The following TMTC1 variants were observed in gnomAD, a reference collection of about 807,000 sequenced individuals.
TMTC1 encodes the protein transmembrane O-mannosyltransferase targeting cadherins 1.
Under a neutral mutation model 104.8 loss-of-function variants are expected in TMTC1, and 73 were observed. The observed-to-expected ratio is 0.70, with a 90% CI of 0.58 to 0.85. The LOEUF (loss-of-function observed/expected upper bound fraction) is 0.85. TMTC1 is among the 40% of genes least tolerant of loss of function. TMTC1 has a pLI of 0.00. For missense variants in TMTC1, 1,035 were observed against 1,096.1 expected (o/e 0.94, Z 0.79); for synonymous variants, 434 against 428.7 (o/e 1.01, Z -0.15).
At chr12:29,667,973 A>G (rs1940348114) in intron 5 of TMTC1, among the ~76,000 whole-genome samples, 1 of 152,196 alleles carries the variant, frequency 6.6e-6, no homozygotes. Context: ...CATGGCTGGC[A>G]AGAGGCAAAG....
At chr12:29,518,698 C>G in intron 12 of TMTC1, 91 bp from the exon 13 acceptor site, 2 of 1,484,374 alleles carry the variant, frequency 1.3e-6, no homozygotes, top group Non-Finnish European at 9.1e-7. Flanking sequence ...ATAATTCTTT[C>G]TCATTATTAC....
At chr12:29,666,221 CTTTTTTCT>C in intron 5 of TMTC1, 2 of 395,958 alleles carry the variant, frequency 5.1e-6, no homozygotes, top group Non-Finnish European at 9.6e-6. Flanking sequence ...TTCTTTTTTT[CTTTTTTCT>C]TTTTTTTTTT....
chr12:29,752,934 T>G (rs1410167921), intron 4 of TMTC1, among the ~76,000 whole-genome samples: 1 of 152,224 alleles, frequency 6.6e-6, no homozygotes, highest in Non-Finnish European at 1.5e-5. Flanking sequence ...TTGGAAATTA[T>G]ATCCTGAATT....
chr12:29,568,760 A>G, intron 9 of TMTC1: 1 of 360,014 alleles, frequency 2.8e-6, no homozygotes, highest in Non-Finnish European at 5.5e-6. Context: ...GAGAATCACT[A>G]TTTCTCTTTC....
At chr12:29,527,862 T>G (rs1159317131) in intron 11 of TMTC1, among the ~76,000 whole-genome samples, 2 of 152,230 alleles carry the variant, frequency 1.3e-5, no homozygotes, top group Non-Finnish European at 2.9e-5. Flanking sequence ...CTAGAAATGA[T>G]ATTTTCAAAA....
rs76066471 is a variant in TMTC1 at position 29,730,022 on chromosome 12, G to T, written c.938+21644C>A. 2.6e-5 allele frequency among the ~76,000 whole-genome samples: 4 copies of T among 152,204 alleles called. No individual in the cohort carries two copies. In the South Asian group the frequency reaches 8.3e-4, roughly 32 times the overall value. ...CAAGAGCCTGCTGATTACATATAGC[G>T]GACATGCCAACGAGAACAAGGGATG... On this transcript the variant is annotated intron_variant, in intron 5 of 17. Coordinates refer to ENST00000539277, the MANE Select transcript of TMTC1 (RefSeq NM_001193451.2).
At chr12:29,622,241 A>C (rs1937711976) in intron 6 of TMTC1, among the ~76,000 whole-genome samples, 1 of 152,170 alleles carries the variant, frequency 6.6e-6, no homozygotes, top group African/African-American at 2.4e-5. Context: ...AAAAGGTATA[A>C]AAATACCTTA....
At chr12:29,777,216 T>C (rs1463830293) in intron 1 of TMTC1, among the ~76,000 whole-genome samples, 2 of 152,070 alleles carry the variant, frequency 1.3e-5, no homozygotes, top group African/African-American at 4.8e-5. Context: ...TGCCTCAGCC[T>C]CCCGAGCAGC....
intron 2 of TMTC1, among the ~76,000 whole-genome samples, chr12:29,764,363 A>T (rs1943417171): frequency 6.6e-6 from 1 of 152,154 alleles, no homozygotes; most frequent in South Asian, 2.1e-4. Flanking sequence ...TATTTATTTT[A>T]TCTGCAAGAA....
At chr12:29,749,549 C>G (rs1943037747) in intron 5 of TMTC1, among the ~76,000 whole-genome samples, 1 of 152,090 alleles carries the variant, frequency 6.6e-6, no homozygotes, top group African/African-American at 2.4e-5. Flanking sequence ...ACTCCTTTAG[C>G]CTCCATTTAA....
rs1292507632 is a variant in TMTC1 at position 29,505,399 on chromosome 12, T to A, written c.*1447A>T. On this transcript the variant is annotated 3_prime_UTR_variant, in exon 18 of 18. Coordinates refer to ENST00000539277, the MANE Select transcript of TMTC1 (RefSeq NM_001193451.2). ...AATTAGAAACAGGTGTTCCAATTTC[T>A]TCACTTCCAAAATATACTACTGCCA... The A allele has an allele frequency of 6.6e-6, 1 of 152,202 alleles. No homozygotes were observed. The highest frequency in any genetic ancestry group is 1.5e-5 in the Non-Finnish European group (1 of 68,030). 9.4% of individuals were successfully genotyped at this position (152,202 alleles called of 1,614,324 possible). A position where few individuals can be genotyped will look rare whatever the true frequency, so the allele number is the denominator to read the frequency against.
intron 4 of TMTC1, 77 bp from the exon 5 acceptor site, chr12:29,751,949 C>A (rs1217807254): frequency 3.0e-6 from 4 of 1,347,570 alleles, no homozygotes; most frequent in Non-Finnish European, 4.0e-6. Flanking sequence ...CAGTAAACTG[C>A]CCCACCCACA....
At chr12:29,568,896 C>T (rs932716537) in intron 9 of TMTC1, 11 of 455,648 alleles carry the variant, frequency 2.4e-5, no homozygotes, top group East Asian at 7.0e-5. Context: ...CCAGGGTAAC[C>T]GAACAGTCGG....
At chr12:29,599,009 T>A (rs961251932) in intron 7 of TMTC1, among the ~76,000 whole-genome samples, 7 of 152,208 alleles carry the variant, frequency 4.6e-5, no homozygotes, top group Non-Finnish European at 7.3e-5. Flanking sequence ...TCTCTACTCA[T>A]TCAAGTCTTC....
intron 15 of TMTC1, 134 bp from the exon 16 acceptor site, chr12:29,514,738 G>T: frequency 1.0e-6 from 1 of 960,846 alleles, no homozygotes; most frequent in Non-Finnish European, 1.5e-6. Context: ...ACAATTCTTG[G>T]TCAGGCGTAG....
Position 29,502,382 on chromosome 12 carries a change from T to C in TMTC1, c.*4464A>G, listed in dbSNP as rs944757504. 1 of 146,198 alleles carries C rather than the reference T, an allele frequency of 6.8e-6. No homozygotes were observed. The highest frequency in any genetic ancestry group is 2.6e-5 in the African/African-American group (1 of 39,046). The allele number at this position is 146,198 out of a possible 1,614,324, so 9.1% of individuals were successfully genotyped here. A position where few individuals can be genotyped will look rare whatever the true frequency, so the allele number is the denominator to read the frequency against. On this transcript the variant is annotated 3_prime_UTR_variant, in exon 18 of 18. Coordinates refer to ENST00000539277, the MANE Select transcript of TMTC1 (RefSeq NM_001193451.2). ...ACAGATTCTAACAAGTACAAAGAAA[T>C]AATTAACAAAAGCTCATGTGTGCCC... is the stretch of plus-strand genomic sequence containing the variant.
At chr12:29,596,483 A>C (rs1469377400) in intron 7 of TMTC1, among the ~76,000 whole-genome samples, 1 of 152,168 alleles carries the variant, frequency 6.6e-6, no homozygotes, top group Admixed American at 6.5e-5. Flanking sequence ...CCTGCTATGA[A>C]AAGAGAATCA....
intron 2 of TMTC1, among the ~76,000 whole-genome samples, chr12:29,764,084 C>T (rs987917842): frequency 2.6e-5 from 4 of 152,186 alleles, no homozygotes; most frequent in Admixed American, 1.3e-4. Context: ...ATTTTAGCCT[C>T]AAACTACAGG....
chr12:29,658,140 C>T (rs1939846218), intron 5 of TMTC1, among the ~76,000 whole-genome samples: 2 of 151,972 alleles, frequency 1.3e-5, no homozygotes, highest in Non-Finnish European at 2.9e-5. Context: ...ATCTAACAAT[C>T]TGTTGTCCCT....
Sources: gnomAD v4.1 joint callset for allele counts (sites outside exome capture counted in the v4.1 genomes callset) on GRCh38, gnomAD v4.1.1 for gene constraint, MANE v1.5 for transcripts, NCBI Gene and HGNC (gene_info 2026-07-23, HGNC 2026-07-21) for gene names.